The following ANKRD30A variants were observed in gnomAD, a reference collection of about 807,000 sequenced individuals.
ANKRD30A encodes ankyrin repeat domain 30A.
In ANKRD30A, 170 loss-of-function variants were observed where a neutral mutation model predicts 166.3. The observed-to-expected ratio is 1.02, with a 90% CI of 0.90 to 1.16. ANKRD30A has a LOEUF of 1.16. Among genes scored for constraint, ANKRD30A ranks in the 50% most tolerant of loss-of-function variants. ANKRD30A has a pLI of 0.00. For synonymous variants in ANKRD30A, 564 were observed against 508.9 expected (o/e 1.11, Z -1.46); for missense variants, 1,630 against 1,518.0 (o/e 1.07, Z -1.23).
intron 4 of ANKRD30A, among the ~76,000 whole-genome samples, chr10:37,133,386 A>G (rs1215589117): frequency 6.6e-6 from 1 of 152,186 alleles, no homozygotes; most frequent in East Asian, 1.9e-4. Context: ...ATGATTTTCT[A>G]TATGAAAAGG....
chr10:37,183,069 G>A (rs1349488528), intron 24 of ANKRD30A, among the ~76,000 whole-genome samples: 4 of 149,052 alleles, frequency 2.7e-5, no homozygotes, highest in Admixed American at 2.0e-4. Context: ...GTGTTTCCTA[G>A]CCACTAAAAG....
intron 13 of ANKRD30A, among the ~76,000 whole-genome samples, chr10:37,157,546 A>T (rs2132578388): frequency 6.6e-6 from 1 of 152,178 alleles, no homozygotes; most frequent in South Asian, 2.1e-4. Context: ...TTGTAATTTT[A>T]GTGGAGACAG....
At chr10:37,126,882 T>C (rs1373928188) in intron 1 of ANKRD30A, among the ~76,000 whole-genome samples, 2 of 151,208 alleles carry the variant, frequency 1.3e-5, no homozygotes, top group African/African-American at 4.9e-5. Context: ...ACGCCGTCTC[T>C]ACAAAAATAC....
Position 37,149,865 on chromosome 10 carries a change from T to C in ANKRD30A, c.1645+16T>C, listed in dbSNP as rs775693170. ...TTGAGAGCAGGTAAATTTTTCAATT[T>C]AACTATGCAAAGACGAATATTTCAA... On this transcript the variant is annotated intron_variant, in intron 11 of 35. Coordinates refer to ENST00000361713, the MANE Select transcript of ANKRD30A (RefSeq NM_052997.3). The C allele has an allele frequency of 2.4e-5, 38 of 1,612,082 alleles. No individual in the cohort carries two copies. The highest frequency in any genetic ancestry group is 1.7e-4 in the Middle Eastern group (1 of 6,022).
chr10:37,239,238 G>A, the ANKRD30A span, among the ~76,000 whole-genome samples: 1 of 152,114 alleles, frequency 6.6e-6, no homozygotes, highest in Admixed American at 6.6e-5. Flanking sequence ...CAACTATGCA[G>A]CTACGTGATA....
chr10:37,157,797 TGA>T (rs1838500178), intron 13 of ANKRD30A, among the ~76,000 whole-genome samples: 1 of 152,222 alleles, frequency 6.6e-6, no homozygotes, highest in Non-Finnish European at 1.5e-5. Flanking sequence ...GGTACAAAAA[TGA>T]ATATATTTAT....
chr10:37,194,044 A>C (rs1187635750), intron 27 of ANKRD30A, among the ~76,000 whole-genome samples: 2 of 152,068 alleles, frequency 1.3e-5, no homozygotes, highest in African/African-American at 4.8e-5. Flanking sequence ...AACATAACAA[A>C]AAGTAGCCGG....
At chr10:37,243,442 C>T in the ANKRD30A span, among the ~76,000 whole-genome samples, 2 of 151,924 alleles carry the variant, frequency 1.3e-5, no homozygotes, top group Non-Finnish European at 2.9e-5. Flanking sequence ...CCGTGCCCGG[C>T]GTCCAAATTT....
At chr10:37,249,516 T>C in the ANKRD30A span, among the ~76,000 whole-genome samples, 1 of 152,288 alleles carries the variant, frequency 6.6e-6, no homozygotes, top group Non-Finnish European at 1.5e-5. Flanking sequence ...TAGAGGAAAT[T>C]CCATTATGTT....
At chr10:37,233,785 A>G (rs934771928), downstream of ANKRD30A, among the ~76,000 whole-genome samples, 1 of 152,150 alleles carries the variant, frequency 6.6e-6, no homozygotes, top group Non-Finnish European at 1.5e-5. Flanking sequence ...AAAACATCTA[A>G]TACTACTTTG....
At chr10:37,213,179 G>C (rs1316141644) in intron 31 of ANKRD30A, among the ~76,000 whole-genome samples, 1 of 151,730 alleles carries the variant, frequency 6.6e-6, no homozygotes, top group Admixed American at 6.6e-5. Flanking sequence ...ATCTGTAGTT[G>C]GGAGCTTATC....
intron 34 of ANKRD30A, among the ~76,000 whole-genome samples, chr10:37,226,999 T>C (rs1843187600): frequency 6.6e-6 from 1 of 151,958 alleles, no homozygotes; most frequent in Non-Finnish European, 1.5e-5. Flanking sequence ...CCTTTGCCCA[T>C]TTTCTAATTG....
At chr10:37,232,654 T>TA (rs71007625), downstream of ANKRD30A, 24 of 54,200 alleles carry the variant, frequency 4.4e-4, 1 homozygote, top group South Asian at 3.5e-3. Flanking sequence ...AGCATTGGTT[T>TA]TATATATATA....
chr10:37,146,211 T>A (rs1837500350), intron 8 of ANKRD30A, among the ~76,000 whole-genome samples: 1 of 152,274 alleles, frequency 6.6e-6, no homozygotes, highest in Non-Finnish European at 1.5e-5. Context: ...ATAACATAAA[T>A]ATAAGTTTTC....
At chr10:37,216,438 T>C in intron 32 of ANKRD30A, 44 bp downstream of exon 32, 1 of 1,505,670 alleles carries the variant, frequency 6.6e-7, no homozygotes, top group Non-Finnish European at 9.0e-7. Flanking sequence ...CTATTTATAC[T>C]AAAACTACGT....
chr10:37,230,304 A>G (rs1843361431), intron 34 of ANKRD30A, among the ~76,000 whole-genome samples: 1 of 152,056 alleles, frequency 6.6e-6, no homozygotes, highest in East Asian at 1.9e-4. Context: ...ATTTTTAGTG[A>G]GACAGGTTCA....
chr10:37,236,720 T>C (rs939402632), downstream of ANKRD30A, among the ~76,000 whole-genome samples: 4 of 152,218 alleles, frequency 2.6e-5, no homozygotes, highest in African/African-American at 7.2e-5. Context: ...AGAGGTTAGA[T>C]AGAAGTATGC....
At position 37,141,952 on chromosome 10, in the gene ANKRD30A, A is replaced by G. The variant is rs1440261360; in HGVS notation, c.1055A>G (p.Gln352Arg). The G allele has an allele frequency of 6.2e-7, 1 of 1,614,124 alleles. No individual in the cohort carries two copies. Among genetic ancestry groups the G allele is most frequent in the African/African-American group, 1.3e-5 (1 of 74,940 alleles). Residue 352 changes from glutamine (Q) to arginine (R), a missense_variant, in exon 7 of 36, where the codon CAG becomes CGG. Transcript: ENST00000361713. ...AAAGCGACATCTGGAAAGTTCGAACAGTCAGCAGAAGAAACACCTAGGGAA... is the reference window on the plus strand; with the variant it reads ...AAAGCGACATCTGGAAAGTTCGAACGGTCAGCAGAAGAAACACCTAGGGAA... The part of the protein sequence containing the change: ...LEKATSGKFE[Q>R]SAEETPREIT...
At chr10:37,178,734 G>A (rs1488811946) in intron 24 of ANKRD30A, among the ~76,000 whole-genome samples, 1 of 150,232 alleles carries the variant, frequency 6.7e-6, no homozygotes, top group Non-Finnish European at 1.5e-5. Context: ...TTTAACAGGT[G>A]TCGAATGGGA....
Sources: gnomAD v4.1 joint callset for allele counts (sites outside exome capture counted in the v4.1 genomes callset) on GRCh38, gnomAD v4.1.1 for gene constraint, MANE v1.5 for transcripts, NCBI Gene and HGNC (gene_info 2026-07-23, HGNC 2026-07-21) for gene names.